EXOC4: variants seen among roughly 807,000 people sequenced by gnomAD.
EXOC4 encodes the protein exocyst complex component 4.
EXOC4 carries 71 observed loss-of-function variants against 107.2 expected under a neutral mutation model. That is an observed-to-expected ratio of 0.66 (90% CI 0.55 to 0.81). EXOC4 has a LOEUF of 0.81. Among genes scored for constraint, EXOC4 ranks in the 30% least tolerant of loss-of-function variants. EXOC4 has a pLI of 0.00. For synonymous variants in EXOC4, 456 were observed against 441.2 expected (o/e 1.03, Z -0.42); for missense variants, 1,108 against 1,189.6 (o/e 0.93, Z 1.01).
At chr7:133,673,757 G>T (rs1385816269) in intron 10 of EXOC4, among the ~76,000 whole-genome samples, 1 of 152,082 alleles carries the variant, frequency 6.6e-6, no homozygotes, top group Middle Eastern at 3.2e-3. Flanking sequence ...GTTGATTATA[G>T]GTCTTGTGGG....
intron 7 of EXOC4, among the ~76,000 whole-genome samples, chr7:133,401,847 G>A (rs1175699939): frequency 6.6e-6 from 1 of 151,716 alleles, no homozygotes. Flanking sequence ...TTTAATAGAT[G>A]TGCTATTTAT....
chr7:134,027,822 T>C (rs572238261), intron 17 of EXOC4, among the ~76,000 whole-genome samples: 6 of 152,164 alleles, frequency 3.9e-5, no homozygotes, highest in Admixed American at 3.3e-4. Flanking sequence ...AAAGTCTTAA[T>C]TGAGTAGGAC....
At chr7:133,790,335 C>T (rs1235946929) in intron 10 of EXOC4, among the ~76,000 whole-genome samples, 5 of 152,236 alleles carry the variant, frequency 3.3e-5, no homozygotes, top group Admixed American at 2.0e-4. Context: ...AAGCTTTAAG[C>T]TGCTAATGAG....
At chr7:133,991,202 C>A (rs964237062) in intron 14 of EXOC4, among the ~76,000 whole-genome samples, 1 of 151,990 alleles carries the variant, frequency 6.6e-6, no homozygotes, top group Non-Finnish European at 1.5e-5. Flanking sequence ...ACCTGTTGGC[C>A]ATTTGTATGT....
chr7:133,480,390 G>A (rs1486337075), intron 9 of EXOC4: 7 of 1,282,556 alleles, frequency 5.5e-6, no homozygotes, highest in Admixed American at 3.2e-5. Context: ...GGCCAGGCTC[G>A]TCTTGCTTAA....
intron 14 of EXOC4, among the ~76,000 whole-genome samples, chr7:133,951,060 G>C (rs1326849362): frequency 6.6e-6 from 1 of 152,246 alleles, no homozygotes; most frequent in African/African-American, 2.4e-5. Context: ...GTCACTGACA[G>C]ACAGATGGCT....
chr7:133,617,092 T>C (rs1238657028), intron 9 of EXOC4, among the ~76,000 whole-genome samples: 1 of 152,174 alleles, frequency 6.6e-6, no homozygotes, highest in Non-Finnish European at 1.5e-5. Context: ...TATTTATAAA[T>C]TGCATTGTAT....
chr7:133,416,975 CAG>C (rs1221763518), intron 7 of EXOC4, among the ~76,000 whole-genome samples: 1 of 152,078 alleles, frequency 6.6e-6, no homozygotes, highest in Non-Finnish European at 1.5e-5. Context: ...AAATGAAAGA[CAG>C]ATGTCTAAAT....
At chr7:133,339,179 G>T (rs1795601258) in intron 5 of EXOC4, among the ~76,000 whole-genome samples, 1 of 152,118 alleles carries the variant, frequency 6.6e-6, no homozygotes, top group Non-Finnish European at 1.5e-5. Flanking sequence ...CTCCATCCAG[G>T]TTGCTGTGAA....
At chr7:133,584,935 C>T (rs1385991020) in intron 9 of EXOC4, among the ~76,000 whole-genome samples, 1 of 151,970 alleles carries the variant, frequency 6.6e-6, no homozygotes, top group Non-Finnish European at 1.5e-5. Flanking sequence ...GACAAGAGTT[C>T]TGTGAAAAAA....
chr7:133,627,958 A>G (rs1296418654), intron 9 of EXOC4, among the ~76,000 whole-genome samples: 1 of 152,170 alleles, frequency 6.6e-6, no homozygotes, highest in African/African-American at 2.4e-5. Context: ...CTGAAGCTTC[A>G]CATGTTTTTA....
chr7:133,693,478 G>A (rs1422103513), intron 10 of EXOC4, among the ~76,000 whole-genome samples: 2 of 151,900 alleles, frequency 1.3e-5, no homozygotes, highest in African/African-American at 2.4e-5. Flanking sequence ...CTCCTTTGGC[G>A]ACACCTTCAC....
intron 1 of EXOC4, among the ~76,000 whole-genome samples, chr7:133,269,949 A>T (rs184527755): frequency 6.6e-6 from 1 of 152,138 alleles, no homozygotes; most frequent in East Asian, 1.9e-4. Flanking sequence ...TATGGTACTG[A>T]TATGGTTTGG....
intron 17 of EXOC4, among the ~76,000 whole-genome samples, chr7:134,016,270 A>G (rs1284792884): frequency 6.6e-6 from 1 of 152,206 alleles, no homozygotes; most frequent in Non-Finnish European, 1.5e-5. Flanking sequence ...ATGGGGAATC[A>G]TCAGCATGGA....
intron 11 of EXOC4, among the ~76,000 whole-genome samples, chr7:133,863,788 A>G (rs1020353061): frequency 6.6e-6 from 1 of 152,050 alleles, no homozygotes; most frequent in African/African-American, 2.4e-5. Flanking sequence ...GCTTAGAAAA[A>G]CTTCCTGCTT....
At chr7:133,306,878 G>C (rs955730422) in intron 4 of EXOC4, among the ~76,000 whole-genome samples, 2 of 152,088 alleles carry the variant, frequency 1.3e-5, no homozygotes, top group African/African-American at 4.8e-5. Flanking sequence ...TTAATGGCCT[G>C]GGTAGTCTCA....
At chr7:133,824,200 A>G (rs1435317006) in intron 11 of EXOC4, among the ~76,000 whole-genome samples, 2 of 151,624 alleles carry the variant, frequency 1.3e-5, no homozygotes, top group Non-Finnish European at 2.9e-5. Flanking sequence ...GGTGTAAAAC[A>G]TGCCCTCTCC....
chr7:133,510,210 A>G (rs1424752333), intron 9 of EXOC4, among the ~76,000 whole-genome samples: 3 of 152,198 alleles, frequency 2.0e-5, no homozygotes, highest in Non-Finnish European at 4.4e-5. Flanking sequence ...TTTCTTATAA[A>G]TAGAATCGTG....
chr7:133,555,816 G>A (rs1800680070), intron 9 of EXOC4, among the ~76,000 whole-genome samples: 1 of 152,138 alleles, frequency 6.6e-6, no homozygotes, highest in Non-Finnish European at 1.5e-5. Context: ...AGGTAGTTCT[G>A]CTTTTGTGAG....
Sources: gnomAD v4.1 joint callset for allele counts (sites outside exome capture counted in the v4.1 genomes callset) on GRCh38, gnomAD v4.1.1 for gene constraint, MANE v1.5 for transcripts, NCBI Gene and HGNC (gene_info 2026-07-23, HGNC 2026-07-21) for gene names.